Variants in POP4 observed in about 807,000 individuals in gnomAD.
POP4 encodes ribonuclease P protein subunit p29.
POP4 carries 31 observed loss-of-function variants against 29.9 expected under a neutral mutation model. That is an observed-to-expected ratio of 1.04 (90% CI 0.78 to 1.40). The LOEUF is 1.40. POP4 is among the 40% of genes most tolerant of loss of function. POP4 has a pLI of 0.00. For synonymous variants in POP4, 110 were observed against 108.2 expected (o/e 1.02, Z -0.10); for missense variants, 286 against 282.7 (o/e 1.01, Z -0.08).
At chr19:29,615,101 C>A in intron 6 of POP4, 143 bp from the exon 7 acceptor site, 1 of 985,704 alleles carries the variant, frequency 1.0e-6, no homozygotes, top group Non-Finnish European at 1.4e-6. Flanking sequence ...CCCTAATGCC[C>A]CTCCCCTTGT....
In POP4 at chr19:29,615,352, T is replaced by C. The variant is rs1379173414; in HGVS notation, c.635T>C (p.Phe212Ser). 1.9e-6 allele frequency: 3 copies of C among 1,613,900 alleles called. No homozygotes were observed. In the Admixed American group the frequency reaches 5.0e-5, roughly 27 times the overall value. ...LRSSERSAKK[F>S]KAKGTIDL ...TCAAGTGAACGGTCTGCGAAGAAGT[T>C]CAAAGCGAAGGGAACGATTGACCTG... The change falls in exon 7 of 7, where the codon TTC becomes TCC. Residue 212 changes from phenylalanine (F) to serine (S), a missense_variant. Transcript: ENST00000585603.
At chr19:29,610,272 G>C in intron 2 of POP4, 137 bp from the exon 3 acceptor site, 2 of 744,362 alleles carry the variant, frequency 2.7e-6, no homozygotes, top group South Asian at 3.7e-5. Flanking sequence ...GGATGAGCAG[G>C]TTGAGAGCCT....
At chr19:29,608,180 A>G (rs1475860757) in intron 1 of POP4, among the ~76,000 whole-genome samples, 1 of 151,600 alleles carries the variant, frequency 6.6e-6, no homozygotes, top group Non-Finnish European at 1.5e-5. Context: ...TCTTAATACC[A>G]ACCTCATCTT....
Position 29,613,854 on chromosome 19 carries a change from G to T in POP4, c.425-17G>T. ...ACCACAGAGGCCTGAGCCTGGAACT[G>T]TCCTTTTTCTTTGCAGTGACAAAAT... On this transcript the variant is annotated splice_polypyrimidine_tract_variant and intron_variant, in intron 5 of 6. Coordinates refer to ENST00000585603, the MANE Select transcript of POP4 (RefSeq NM_006627.3). 1 of 1,609,352 alleles carries T rather than the reference G, an allele frequency of 6.2e-7. No individual in the cohort carries two copies. The highest frequency in any genetic ancestry group is 1.7e-4 in the Middle Eastern group (1 of 6,042).
At position 29,612,155 on chromosome 19, in the gene POP4, A is replaced by T. The variant is rs781359325; in HGVS notation, c.401A>T (p.Asp134Val). ...ATTCAGGCCAAGCTCTTAAAGGCAGATCTTCACGGGGCTATTATTTCAGGT... is the reference window on the plus strand; with the variant it reads ...ATTCAGGCCAAGCTCTTAAAGGCAGTTCTTCACGGGGCTATTATTTCAGGT... ...QMIQAKLLKADLHGAIISVTK... is the reference protein window; with the variant it reads ...QMIQAKLLKAVLHGAIISVTK... The change falls in exon 5 of 7, where the codon GAT (aspartate) becomes GTT (valine). Residue 134 changes from aspartate (D) to valine (V), a missense_variant. Physicochemically the swap from Asp to Val is radical, Grantham distance 152. Coordinates refer to ENST00000585603, the MANE Select transcript of POP4 (RefSeq NM_006627.3). 3 of 1,610,984 alleles carry T rather than the reference A, an allele frequency of 1.9e-6. No homozygotes were observed. The highest frequency in any genetic ancestry group is 2.5e-6 in the Non-Finnish European group (3 of 1,179,158).
rs747457968 is a variant in POP4 at position 29,610,441 on chromosome 19, G to T, written c.93G>T (p.Val31=). 6.3e-7 allele frequency: 1 copy of T among 1,585,356 alleles called. No homozygotes were observed. Among genetic ancestry groups the T allele is most frequent in the Non-Finnish European group, 8.6e-7 (1 of 1,165,922 alleles). The part of the protein sequence containing the change: ...PSGAQRAEAF[V]RAFLKRSTPR... ...GAGCACAGCGGGCCGAGGCCTTCGTGAGGGCCTTCCTGAAGCGCAGCACGC... is the reference window on the plus strand; with the variant it reads ...GAGCACAGCGGGCCGAGGCCTTCGTTAGGGCCTTCCTGAAGCGCAGCACGC... Residue 31 remains valine, a synonymous_variant, in exon 3 of 7, where the codon GTG becomes GTT. Coordinates refer to ENST00000585603, the MANE Select transcript of POP4 (RefSeq NM_006627.3).
intron 6 of POP4, among the ~76,000 whole-genome samples, chr19:29,614,536 A>T (rs1599488212): frequency 7.5e-6 from 1 of 133,162 alleles, no homozygotes; most frequent in African/African-American, 2.9e-5. Context: ...AGACAGTCTC[A>T]CTCTTCCACC....
intron 3 of POP4, chr19:29,611,446 C>G (rs1971067642): frequency 4.9e-6 from 1 of 202,926 alleles, no homozygotes; most frequent in Non-Finnish European, 1.0e-5. Flanking sequence ...CGCTTCTTCT[C>G]CCCACCACTT....
intron 2 of POP4, 23 bp from the exon 3 acceptor site, chr19:29,610,386 C>G: frequency 1.3e-6 from 2 of 1,535,010 alleles, no homozygotes; most frequent in Non-Finnish European, 1.8e-6. Flanking sequence ...CAGTGAGCGC[C>G]GCACCCCCTT....
intron 1 of POP4, 146 bp downstream of exon 1, chr19:29,606,471 A>T (rs947670887): frequency 2.1e-6 from 2 of 943,258 alleles, no homozygotes; most frequent in Non-Finnish European, 1.5e-6. Context: ...CCTAAGAAAA[A>T]CTGAGGGCTG....
chr19:29,609,972 T>C (rs1054675409), intron 2 of POP4, among the ~76,000 whole-genome samples: 1 of 152,174 alleles, frequency 6.6e-6, no homozygotes, highest in African/African-American at 2.4e-5. Flanking sequence ...CTGTTTTCTG[T>C]AGTGTTAGGA....
intron 5 of POP4, among the ~76,000 whole-genome samples, chr19:29,612,950 G>A (rs1229537002): frequency 2.0e-5 from 3 of 152,154 alleles, no homozygotes; most frequent in Non-Finnish European, 4.4e-5. Flanking sequence ...GCGTCCCATC[G>A]TATGGGAGTA....
rs555036522 is a variant in POP4 at position 29,611,653 on chromosome 19, G to A, written c.285-209G>A. The A allele has an allele frequency of 1.5e-4, 86 of 570,718 alleles. No homozygotes were observed. The African/African-American group carries it at 1.5e-3, about 10-fold the overall frequency. The allele number at this position is 570,718 out of a possible 1,614,324, so 35.4% of individuals were successfully genotyped here. On this transcript the variant is annotated intron_variant, in intron 3 of 6. Transcript: ENST00000585603. ...CAGGTGGACACCGCCCTGGGCTGGTGTGGTCCTACCAATGAGGAAACTGAG... is the reference window on the plus strand; with the variant it reads ...CAGGTGGACACCGCCCTGGGCTGGTATGGTCCTACCAATGAGGAAACTGAG...
At chr19:29,614,087 CA>C in intron 6 of POP4, 115 bp downstream of exon 6, 2 of 1,461,666 alleles carry the variant, frequency 1.4e-6, no homozygotes, top group Non-Finnish European at 1.8e-6. Flanking sequence ...GCGCAGATTG[CA>C]GATACTTGCT....
At chr19:29,611,729 G>T (rs917603286) in intron 3 of POP4, 133 bp from the exon 4 acceptor site, 1 of 720,998 alleles carries the variant, frequency 1.4e-6, no homozygotes, top group Non-Finnish European at 2.4e-6. Flanking sequence ...ATTGCTCATC[G>T]TCGGATTTGC....
At position 29,615,321 on chromosome 19, in the gene POP4, C is replaced by A; in HGVS notation, c.604C>A (p.Leu202Ile). 1.2e-6 allele frequency: 2 copies of A among 1,612,102 alleles called. No individual in the cohort carries two copies. Among genetic ancestry groups the A allele is most frequent in the South Asian group, 2.2e-5 (2 of 91,054 alleles). ...CTACATTTACGGGAGCAAATTCCAG[C>A]TTCGGTCAAGTGAACGGTCTGCGAA... ...ISYIYGSKFQLRSSERSAKKF... is the reference protein window; with the variant it reads ...ISYIYGSKFQIRSSERSAKKF... The change falls in exon 7 of 7, where the codon CTT becomes ATT. Residue 202 changes from leucine (L) to isoleucine (I), a missense_variant. Transcript: ENST00000585603.
chr19:29,608,969 G>T lies in POP4; in HGVS notation c.60+260G>T, dbSNP rs116540549. 1.7e-3 allele frequency: 694 copies of T among 409,242 alleles called. 3 individuals are homozygous for T. The highest frequency in any genetic ancestry group is 0.012 in the African/African-American group (594 of 49,482). 25.4% of individuals were successfully genotyped at this position (409,242 alleles called of 1,614,324 possible). A position where few individuals can be genotyped will look rare whatever the true frequency, so the allele number is the denominator to read the frequency against. The stretch of plus-strand genomic sequence containing the variant: ...TTTTATCATTTCCCACTGTGTTGGG[G>T]ACACCAGGCTGTGCCCACGTGGTGG... On this transcript the variant is annotated intron_variant, in intron 2 of 6. Transcript: ENST00000585603.
chr19:29,612,418 G>C (rs568437858), intron 5 of POP4, among the ~76,000 whole-genome samples: 1 of 152,222 alleles, frequency 6.6e-6, no homozygotes, highest in Admixed American at 6.5e-5. Context: ...CTCCACACAG[G>C]GACCCCTGTT....
chr19:29,611,997 G>C, intron 4 of POP4, 58 bp downstream of exon 4: 1 of 1,592,768 alleles, frequency 6.3e-7, no homozygotes, highest in Non-Finnish European at 8.6e-7. Context: ...TCTGATCATT[G>C]TAAATGCGGC....
Sources: gnomAD v4.1 joint callset for allele counts (sites outside exome capture counted in the v4.1 genomes callset) on GRCh38, gnomAD v4.1.1 for gene constraint, MANE v1.5 for transcripts, NCBI Gene and HGNC (gene_info 2026-07-23, HGNC 2026-07-21) for gene names.